Variants in PDE1C observed in about 807,000 individuals in gnomAD.
The protein encoded by PDE1C is phosphodiesterase 1C.
PDE1C carries 62 observed loss-of-function variants against 93.1 expected under a neutral mutation model. That is an observed-to-expected ratio of 0.67 (90% CI 0.54 to 0.82). PDE1C has a LOEUF of 0.82. Ranked by LOEUF, PDE1C falls within the 40% of genes least tolerant of loss-of-function variation. PDE1C has a pLI of 0.00. For synonymous variants in PDE1C, 325 were observed against 310.1 expected (o/e 1.05, Z -0.50); for missense variants, 742 against 884.6 (o/e 0.84, Z 2.04).
rs1008851105 is a variant in PDE1C, at chr7:32,190,953, T to C, written c.136+18536A>G. 3.3e-5 allele frequency among the ~76,000 whole-genome samples: 5 copies of C among 152,098 alleles called. No homozygotes were observed. In the East Asian group the frequency reaches 9.6e-4, roughly 29 times the overall value. On this transcript the variant is annotated intron_variant, in intron 2 of 18. Transcript: ENST00000396193. The stretch of plus-strand genomic sequence containing the variant: ...ATCAGCAGAGGGAGAGGATTTTCCA[T>C]GCAGAAGGGACAGCATATGCAAAGG...
At chr7:31,943,220 G>A (rs1806087723) in intron 2 of PDE1C, among the ~76,000 whole-genome samples, 1 of 152,116 alleles carries the variant, frequency 6.6e-6, no homozygotes, top group South Asian at 2.1e-4. Flanking sequence ...AGTGCCACAG[G>A]ATTAGTTCAT....
At chr7:31,778,555 C>G (rs1437585889) in intron 16 of PDE1C, among the ~76,000 whole-genome samples, 1 of 152,012 alleles carries the variant, frequency 6.6e-6, no homozygotes, top group Non-Finnish European at 1.5e-5. Flanking sequence ...TAAACATCCT[C>G]CAGATGGTGA....
intron 1 of PDE1C, among the ~76,000 whole-genome samples, chr7:32,217,233 C>A (rs906816510): frequency 6.6e-6 from 1 of 152,206 alleles, no homozygotes; most frequent in Admixed American, 6.5e-5. Context: ...GTACAACTCA[C>A]AAAAACAGCC....
intron 3 of PDE1C, among the ~76,000 whole-genome samples, chr7:32,120,850 C>T (rs905227503): frequency 2.3e-4 from 35 of 152,224 alleles, no homozygotes; most frequent in Middle Eastern, 3.4e-3. Context: ...GCCTCTCCAG[C>T]AAGGGTTCAG....
chr7:31,643,209 C>T, the PDE1C span: 798 of 1,613,984 alleles, frequency 4.9e-4, 4 homozygotes, highest in African/African-American at 9.8e-3. Context: ...TTCATGTTGA[C>T]TCTGAGGCCC....
chr7:32,396,012 A>G (rs1013784345), intron 1 of PDE1C, among the ~76,000 whole-genome samples: 1 of 152,238 alleles, frequency 6.6e-6, no homozygotes, highest in Non-Finnish European at 1.5e-5. Flanking sequence ...AGTGAACGCA[A>G]TCACAATAAA....
chr7:31,712,352 C>T, the PDE1C span, among the ~76,000 whole-genome samples: 3 of 152,158 alleles, frequency 2.0e-5, no homozygotes, highest in Non-Finnish European at 4.4e-5. Context: ...TTTGCCTTAC[C>T]ATTTGCCTAA....
At chr7:32,163,142 G>T (rs1325899370) in intron 3 of PDE1C, among the ~76,000 whole-genome samples, 1 of 152,204 alleles carries the variant, frequency 6.6e-6, no homozygotes, top group Non-Finnish European at 1.5e-5. Context: ...GGTGTCCCCA[G>T]AAGTTTCCAA....
At chr7:32,199,593 T>C (rs568025821) in intron 2 of PDE1C, among the ~76,000 whole-genome samples, 1 of 152,316 alleles carries the variant, frequency 6.6e-6, no homozygotes. Context: ...TTTTGTTTTG[T>C]TGGGGTTTTA....
At chr7:32,203,664 G>A (rs1805193791) in intron 2 of PDE1C, among the ~76,000 whole-genome samples, 1 of 152,038 alleles carries the variant, frequency 6.6e-6, no homozygotes, top group African/African-American at 2.4e-5. Context: ...TATCCGAGGG[G>A]GTACGTTCCA....
the PDE1C span, among the ~76,000 whole-genome samples, chr7:31,720,768 T>A: frequency 6.6e-6 from 1 of 152,198 alleles, no homozygotes; most frequent in South Asian, 2.1e-4. Context: ...CTTTTGTTTT[T>A]TTCTCCATTT....
rs182530390 is a variant in PDE1C at position 31,967,273 on chromosome 7, G to T, written c.128+84281C>A. Among the ~76,000 whole-genome samples the T allele has an allele frequency of 4.3e-3, 650 of 152,214 alleles. 2 individuals are homozygous for T. The highest frequency in any genetic ancestry group is 0.027 in the Middle Eastern group (8 of 294). ...ACAGACGCAATAAAAAGTGATAAAG[G>T]GGATATCACCACCAATCCCACAGAA... On this transcript the variant is annotated intron_variant, in intron 2 of 17. Coordinates refer to ENST00000396191, the MANE Select transcript of PDE1C (RefSeq NM_001191057.4).
intron 3 of PDE1C, among the ~76,000 whole-genome samples, chr7:32,154,575 C>T (rs908753760): frequency 1.3e-5 from 2 of 152,178 alleles, no homozygotes; most frequent in Non-Finnish European, 2.9e-5. Context: ...CTCATTCCAT[C>T]CTCCCATCAT....
chr7:31,840,631 T>G (rs1429883040), intron 9 of PDE1C, among the ~76,000 whole-genome samples: 1 of 152,186 alleles, frequency 6.6e-6, no homozygotes, highest in Non-Finnish European at 1.5e-5. Flanking sequence ...GAGTATGGTA[T>G]GTGATAAGGG....
intron 2 of PDE1C, among the ~76,000 whole-genome samples, chr7:32,201,906 A>G (rs1354341436): frequency 6.6e-6 from 1 of 152,118 alleles, no homozygotes; most frequent in Non-Finnish European, 1.5e-5. Context: ...CTCCAGAAAA[A>G]GGAGGAGGAG....
At chr7:31,989,627 A>T (rs1473932643) in intron 2 of PDE1C, among the ~76,000 whole-genome samples, 2 of 152,160 alleles carry the variant, frequency 1.3e-5, no homozygotes, top group African/African-American at 4.8e-5. Context: ...CCCAGAAAGA[A>T]TTCAGTGTCT....
intron 2 of PDE1C, among the ~76,000 whole-genome samples, chr7:31,978,145 A>G (rs1430292458): frequency 6.6e-6 from 1 of 152,192 alleles, no homozygotes; most frequent in African/African-American, 2.4e-5. Context: ...ACCTCTTCTG[A>G]AAAAGGTATC....
chr7:32,058,349 C>G (rs1261032543), intron 1 of PDE1C, among the ~76,000 whole-genome samples: 1 of 152,162 alleles, frequency 6.6e-6, no homozygotes, highest in Non-Finnish European at 1.5e-5. Flanking sequence ...CAGATAAAAA[C>G]AAAATGCACA....
chr7:31,971,018 T>C (rs1269117207), intron 2 of PDE1C, among the ~76,000 whole-genome samples: 2 of 152,158 alleles, frequency 1.3e-5, no homozygotes, highest in African/African-American at 4.8e-5. Flanking sequence ...AGCACATGCC[T>C]GTAATCCCAG....
Sources: gnomAD v4.1 joint callset for allele counts (sites outside exome capture counted in the v4.1 genomes callset) on GRCh38, gnomAD v4.1.1 for gene constraint, MANE v1.5 for transcripts, NCBI Gene and HGNC (gene_info 2026-07-23, HGNC 2026-07-21) for gene names.